SLC16A1: variants seen among roughly 807,000 people sequenced by gnomAD.
SLC16A1 encodes the protein monocarboxylate transporter 1.
In SLC16A1, 11 loss-of-function variants were observed where a neutral mutation model predicts 32.2. The observed-to-expected ratio is 0.34, with a 90% CI of 0.21 to 0.56. The LOEUF (loss-of-function observed/expected upper bound fraction) is 0.56. Among genes scored for constraint, SLC16A1 ranks in the 20% least tolerant of loss-of-function variants. The pLI is 0.87. For synonymous variants in SLC16A1, 231 were observed against 226.8 expected, an observed-to-expected ratio of 1.02 and a Z score of -0.17; for missense variants, 435 against 615.0, an observed-to-expected ratio of 0.71 and a Z score of 3.10.
Position 112,917,828 on chromosome 1 carries a change from G to A in SLC16A1, c.578C>T (p.Ala193Val), listed in dbSNP as rs748620299. ...GLLLNCCVAG[A>V]LMRPIGPKPT... ...CTTGGGCCCGATTGGTCGCATGAGG[G>A]CTCCAGCAACACAGCAGTTTAGTAG... The change falls in exon 4 of 5, where the codon GCC (alanine) becomes GTC (valine). Residue 193 changes from alanine to valine, a missense_variant. Coordinates refer to ENST00000369626, the MANE Select transcript of SLC16A1 (RefSeq NM_003051.4). This position sits in a 1 kb window ranked among gnomAD's most constrained non-coding sequence, Gnocchi z 4.1. 2 of 1,614,072 alleles carry A rather than the reference G, an allele frequency of 1.2e-6. No individual in the cohort carries two copies. The highest frequency in any genetic ancestry group is 8.5e-7 in the Non-Finnish European group (1 of 1,180,020).
chr1:112,945,238 A>G (rs1570644462), intron 1 of SLC16A1, among the ~76,000 whole-genome samples: 1 of 150,984 alleles, frequency 6.6e-6, no homozygotes. Context: ...ACCTCAGGCC[A>G]CCCGCCTCAG....
At chr1:112,916,452 C>T (rs532652473) in intron 4 of SLC16A1, among the ~76,000 whole-genome samples, 146 of 136,334 alleles carry the variant, frequency 1.1e-3, no homozygotes, top group African/African-American at 3.8e-3. Flanking sequence ...GAGCCGAGAT[C>T]GCGCCATTGC....
At chr1:112,931,139 TGACTCACTA>T (rs1369770301) in intron 1 of SLC16A1, among the ~76,000 whole-genome samples, 1 of 152,170 alleles carries the variant, frequency 6.6e-6, no homozygotes, top group Non-Finnish European at 1.5e-5. Flanking sequence ...AGTGGGTGCC[TGACTCACTA>T]GATATGTAGC....
chr1:112,924,466 C>A, intron 2 of SLC16A1: 1 of 744,866 alleles, frequency 1.3e-6, no homozygotes, highest in Non-Finnish European at 2.3e-6. Flanking sequence ...AAAAACCTAA[C>A]AGTAAAGTCA....
intron 2 of SLC16A1, chr1:112,924,264 C>G: frequency 6.8e-7 from 1 of 1,481,146 alleles, no homozygotes; most frequent in Non-Finnish European, 9.4e-7. Context: ...AGAGGAAGGG[C>G]CCCTGGAGCC....
intron 1 of SLC16A1, among the ~76,000 whole-genome samples, chr1:112,953,380 C>G (rs1004861348): frequency 6.6e-6 from 1 of 152,122 alleles, no homozygotes; most frequent in African/African-American, 2.4e-5. Context: ...CCAGGCTGGT[C>G]TTGAACTCCT....
chr1:112,924,082 T>A (rs1648845503), intron 2 of SLC16A1: 1 of 1,298,128 alleles, frequency 7.7e-7, no homozygotes, highest in African/African-American at 1.5e-5. Context: ...TTCGATGGCA[T>A]TGCCCTGGTA....
chr1:112,921,459 T>C (rs1270993152), intron 3 of SLC16A1, among the ~76,000 whole-genome samples: 1 of 152,198 alleles, frequency 6.6e-6, no homozygotes, highest in Non-Finnish European at 1.5e-5. Context: ...CATAATTTGA[T>C]CCTTTTTTGC....
In SLC16A1 at chr1:112,912,846, CAT is replaced by C. The variant is rs1648370528; in HGVS notation, c.*1043_*1044del. 6.6e-6 allele frequency: 1 copy of C among 150,618 alleles called. No homozygotes were observed. The highest frequency in any genetic ancestry group is 2.1e-4 in the South Asian group (1 of 4,778). 9.3% of individuals were successfully genotyped at this position (150,618 alleles called of 1,614,324 possible). On this transcript the variant is annotated 3_prime_UTR_variant, in exon 5 of 5. Transcript: ENST00000369626. ...AAAAAACAAAAACACCAAACACACA[CAT>C]ATCTCACACATAGCACTAAGCTAGA...
Position 112,913,610 on chromosome 1 carries a change from G to A in SLC16A1, c.*281C>T, listed in dbSNP as rs372111105. On this transcript the variant is annotated 3_prime_UTR_variant, in exon 5 of 5. Coordinates refer to ENST00000369626, the MANE Select transcript of SLC16A1 (RefSeq NM_003051.4). ...AGAGTTCTAAAGACTAAAACTTAAG[G>A]CACATATTATAATCTTTATGACACT... 4.6e-6 allele frequency: 2 copies of A among 434,968 alleles called. No individual in the cohort carries two copies. Among genetic ancestry groups the A allele is most frequent in the East Asian group, 4.4e-5 (1 of 22,930 alleles). 26.9% of individuals were successfully genotyped at this position (434,968 alleles called of 1,614,324 possible). A position where few individuals can be genotyped will look rare whatever the true frequency, so the allele number is the denominator to read the frequency against.
At position 112,917,547 on chromosome 1, in the gene SLC16A1, A is replaced by G; in HGVS notation, c.859T>C (p.Tyr287His). Residue 287 changes from tyrosine (Y) to histidine (H), a missense_variant, in exon 4 of 5, where the codon TAT becomes CAT. Coordinates refer to ENST00000369626, the MANE Select transcript of SLC16A1 (RefSeq NM_003051.4). The surrounding 1 kb of genome is among the most constrained non-coding windows in gnomAD (Gnocchi z 4.1). ...LFAPLVFLSS[Y>H]GKSQHYSSEK... ...CTAGAATAATGCTGACTCTTCCCATAACTACTAAGAAACACCAAAGGTGCA... is the reference window on the plus strand; with the variant it reads ...CTAGAATAATGCTGACTCTTCCCATGACTACTAAGAAACACCAAAGGTGCA... 1.2e-6 allele frequency: 2 copies of G among 1,614,220 alleles called. No homozygotes were observed. The highest frequency in any genetic ancestry group is 1.7e-6 in the Non-Finnish European group (2 of 1,180,030).
intron 3 of SLC16A1, among the ~76,000 whole-genome samples, chr1:112,918,754 G>A (rs1159257693): frequency 6.6e-6 from 1 of 152,150 alleles, no homozygotes; most frequent in East Asian, 1.9e-4. Flanking sequence ...GGTGAGCTAT[G>A]ATCACACAAC....
chr1:112,915,235 T>C (rs80200967), intron 4 of SLC16A1, among the ~76,000 whole-genome samples: 3,799 of 152,258 alleles, frequency 0.025, 165 homozygotes, highest in African/African-American at 0.087. Flanking sequence ...CCAGGAGAGT[T>C]TGAAAGAAGT....
rs1649923291 is a variant in SLC16A1, at chr1:112,952,231, G to A, written c.-45+3804C>T. On this transcript the variant is annotated intron_variant, in intron 1 of 4. Transcript: ENST00000369626. Reference sequence around the variant, plus strand: ...ATCAACATCCAGGATGAGAGAAACCGGAGGAAAAATGGCCTGGTTCCTTCA... The same window carrying A: ...ATCAACATCCAGGATGAGAGAAACCAGAGGAAAAATGGCCTGGTTCCTTCA... Among the ~76,000 whole-genome samples the A allele has an allele frequency of 2.6e-5, 4 of 152,156 alleles. No homozygotes were observed. In the South Asian group the frequency reaches 6.2e-4, roughly 24 times the overall value.
At position 112,912,938 on chromosome 1, in the gene SLC16A1, A is replaced by C. The variant is rs1402489796; in HGVS notation, c.*953T>G. On this transcript the variant is annotated 3_prime_UTR_variant, in exon 5 of 5. Coordinates refer to ENST00000369626, the MANE Select transcript of SLC16A1 (RefSeq NM_003051.4). ...AATTCCAGGAAAAAAAAATTCCAAT[A>C]GCTTCACAGTTTAACTGAGGTTTTG... is the stretch of plus-strand genomic sequence containing the variant. The C allele has an allele frequency of 6.6e-6, 1 of 152,210 alleles. No homozygotes were observed. Among genetic ancestry groups the C allele is most frequent in the Admixed American group, 6.5e-5 (1 of 15,286 alleles). 9.4% of individuals were successfully genotyped at this position (152,210 alleles called of 1,614,324 possible).
chr1:112,945,637 T>C (rs1649674079), intron 1 of SLC16A1, among the ~76,000 whole-genome samples: 2 of 146,630 alleles, frequency 1.4e-5, no homozygotes, highest in Non-Finnish European at 3.0e-5. Context: ...ATCGTGCCAC[T>C]GCACTCCAGC....
chr1:112,951,970 AAAACAGGCTATTAGTGTAGTAC>A (rs1224235649), intron 1 of SLC16A1, among the ~76,000 whole-genome samples: 1 of 152,210 alleles, frequency 6.6e-6, no homozygotes, highest in Non-Finnish European at 1.5e-5. Context: ...TGAAATAATG[AAAACAGGCTATTAGTGTAGTAC>A]AAAGAGGGAT....
chr1:112,916,951 C>T (rs745679981), intron 4 of SLC16A1, among the ~76,000 whole-genome samples: 4 of 152,070 alleles, frequency 2.6e-5, no homozygotes, highest in African/African-American at 4.8e-5. Flanking sequence ...AAAACACTGA[C>T]ATTTGTAACA....
chr1:112,950,579 T>C (rs1299866996), intron 1 of SLC16A1, among the ~76,000 whole-genome samples: 2 of 151,906 alleles, frequency 1.3e-5, no homozygotes, highest in Non-Finnish European at 2.9e-5. Context: ...ACCAACAGAG[T>C]TGGATCTTAC....
Sources: gnomAD v4.1 joint callset for allele counts (sites outside exome capture counted in the v4.1 genomes callset) on GRCh38, gnomAD v4.1.1 for gene constraint, Gnocchi (gnomAD v3.1) non-coding constraint, MANE v1.5 for transcripts, NCBI Gene and HGNC (gene_info 2026-07-23, HGNC 2026-07-21) for gene names.